SORCS2: variants seen among roughly 807,000 people sequenced by gnomAD.
SORCS2 encodes VPS10 domain-containing receptor SorCS2.
Under a neutral mutation model 141.6 loss-of-function variants are expected in SORCS2, and 100 were observed. The observed-to-expected ratio is 0.71, with a 90% confidence interval of 0.60 to 0.83. The LOEUF (loss-of-function observed/expected upper bound fraction) is 0.83, where lower values mean the gene tolerates loss of function less well. Among genes scored for constraint, SORCS2 ranks in the 40% least tolerant of loss-of-function variants. SORCS2 has a pLI of 0.00. For missense variants in SORCS2, 1,646 were observed against 1,560.2 expected (o/e 1.05, Z -0.93); for synonymous variants, 789 against 676.9 (o/e 1.17, Z -2.57).
chr4:7,358,649 C>A (rs183175262), intron 1 of SORCS2, among the ~76,000 whole-genome samples: 2 of 152,136 alleles, frequency 1.3e-5, no homozygotes, highest in African/African-American at 2.4e-5. Context: ...GTCACAGATG[C>A]GGATCTCAAT....
chr4:7,268,687 T>G (rs1408367105), intron 1 of SORCS2, among the ~76,000 whole-genome samples: 2 of 151,284 alleles, frequency 1.3e-5, no homozygotes, highest in Non-Finnish European at 2.9e-5. Context: ...GTGCCCAGGG[T>G]GGAGGGAGCA....
intron 3 of SORCS2, among the ~76,000 whole-genome samples, chr4:7,633,284 A>C (rs968358487): frequency 6.6e-6 from 1 of 152,102 alleles, no homozygotes; most frequent in Non-Finnish European, 1.5e-5. Flanking sequence ...GGCTGATGCC[A>C]GGAGCCTGAG....
Position 7,703,361 on chromosome 4 carries a change from A to C in SORCS2, c.1750A>C (p.Lys584Gln), listed in dbSNP as rs1234761712. 6.2e-7 allele frequency: 1 copy of C among 1,612,750 alleles called. No individual in the cohort carries two copies. Among genetic ancestry groups the C allele is most frequent in the Non-Finnish European group, 8.5e-7 (1 of 1,179,462 alleles). Residue 584 changes from lysine to glutamine, a missense_variant, in exon 13 of 27, where the codon AAG becomes CAG. Lys to Gln is a moderately conservative substitution (Grantham distance 53). Transcript: ENST00000507866. ...CATCAAAGACACCTCCATCCCTTTG[A>C]AGATCCTCAAGTAATGGCGTCTGCT... ...VAIKDTSIPL[K>Q]ILKFSVDEGL... is the part of the protein sequence containing the mutation.
At chr4:7,504,089 G>T (rs1732135064) in intron 2 of SORCS2, among the ~76,000 whole-genome samples, 1 of 152,206 alleles carries the variant, frequency 6.6e-6, no homozygotes. Flanking sequence ...GTCACTCACT[G>T]CAGCCTGGGT....
chr4:7,382,131 G>C (rs780460143), intron 1 of SORCS2: 72 of 320,886 alleles, frequency 2.2e-4, no homozygotes, highest in Non-Finnish European at 2.4e-4. Flanking sequence ...GTGGAGCGGG[G>C]AGGCATTTTG....
chr4:7,597,265 A>G (rs1717333710), intron 3 of SORCS2, among the ~76,000 whole-genome samples: 2 of 146,722 alleles, frequency 1.4e-5, no homozygotes, highest in African/African-American at 5.1e-5. Flanking sequence ...AGGGGGAGGG[A>G]CTACGCAATA....
chr4:7,460,720 G>C (rs1227120586), intron 2 of SORCS2, among the ~76,000 whole-genome samples: 1 of 152,216 alleles, frequency 6.6e-6, no homozygotes, highest in East Asian at 1.9e-4. Context: ...TGGATATTCA[G>C]CTCTTGGGAG....
intron 14 of SORCS2, among the ~76,000 whole-genome samples, chr4:7,704,942 C>T (rs1251947883): frequency 6.6e-6 from 1 of 152,144 alleles, no homozygotes; most frequent in Non-Finnish European, 1.5e-5. Flanking sequence ...CGACCCCGCG[C>T]TGTGGCACGG....
At chr4:7,737,204 G>A (rs1457369149) in intron 26 of SORCS2, 32 bp downstream of exon 26, 40 of 1,549,572 alleles carry the variant, frequency 2.6e-5, no homozygotes, top group East Asian at 1.2e-4. Context: ...ATCTCGACTC[G>A]CAGACTCTAG....
intron 3 of SORCS2, among the ~76,000 whole-genome samples, chr4:7,619,538 C>A (rs545844850): frequency 2.0e-5 from 3 of 152,346 alleles, no homozygotes. Context: ...GCAGGGTCTT[C>A]TGCCCTGGAA....
At chr4:7,236,010 T>C (rs1466186867) in intron 1 of SORCS2, among the ~76,000 whole-genome samples, 2 of 152,182 alleles carry the variant, frequency 1.3e-5, no homozygotes, top group Non-Finnish European at 2.9e-5. Context: ...ACAAAAAAGT[T>C]GAAAATCCCT....
chr4:7,403,961 G>GTATGTATATATA (rs1724757831), intron 2 of SORCS2, among the ~76,000 whole-genome samples: 1 of 29,892 alleles, frequency 3.3e-5, no homozygotes, highest in African/African-American at 1.1e-4. Flanking sequence ...CTCCATGTGT[G>GTATGTATATATA]TATATATATA....
chr4:7,327,576 C>T (rs1397068510), intron 1 of SORCS2, among the ~76,000 whole-genome samples: 3 of 152,238 alleles, frequency 2.0e-5, no homozygotes, highest in Admixed American at 6.5e-5. Context: ...CTCCCGGCTG[C>T]GTGGCTGCTT....
At position 7,265,653 on chromosome 4, in the gene SORCS2, C is replaced by T. The variant is rs562253377; in HGVS notation, c.480+72527C>T. On this transcript the variant is annotated intron_variant, in intron 1 of 26. Transcript: ENST00000507866. Reference sequence around the variant, plus strand: ...GACACACGGCCTCCTCCCCTGTCTTCTTGTCTGTGTCTCCTATGAAGACAT... The same window carrying T: ...GACACACGGCCTCCTCCCCTGTCTTTTTGTCTGTGTCTCCTATGAAGACAT... Among the ~76,000 whole-genome samples, 4 of 152,334 alleles carry T rather than the reference C, an allele frequency of 2.6e-5. No individual in the cohort carries two copies. In the South Asian group the frequency reaches 6.2e-4, roughly 24 times the overall value.
At chr4:7,492,536 C>G (rs1731379115) in intron 2 of SORCS2, among the ~76,000 whole-genome samples, 2 of 152,216 alleles carry the variant, frequency 1.3e-5, no homozygotes, top group Non-Finnish European at 2.9e-5. Flanking sequence ...CTTCCACATT[C>G]TGATTTTATT....
intron 2 of SORCS2, among the ~76,000 whole-genome samples, chr4:7,506,368 ACT>A (rs895272777): frequency 9.2e-5 from 14 of 151,994 alleles, no homozygotes; most frequent in African/African-American, 2.7e-4. Context: ...GGAAAAAATA[ACT>A]CTCTGTTTGC....
intron 14 of SORCS2, among the ~76,000 whole-genome samples, chr4:7,712,032 T>G (rs1265061180): frequency 2.0e-5 from 3 of 152,084 alleles, no homozygotes; most frequent in African/African-American, 7.2e-5. Context: ...TGCTTGGGGT[T>G]CAGGATGTTC....
chr4:7,724,319 G>GTGGTGATGC (rs1477776477), intron 19 of SORCS2, among the ~76,000 whole-genome samples: 1 of 142,204 alleles, frequency 7.0e-6, no homozygotes, highest in African/African-American at 2.7e-5. Flanking sequence ...GGTGGTGGTG[G>GTGGTGATGC]TGGTGATAGG....
At chr4:7,370,074 C>A (rs76984738) in intron 1 of SORCS2, among the ~76,000 whole-genome samples, 1 of 152,090 alleles carries the variant, frequency 6.6e-6, no homozygotes, top group South Asian at 2.1e-4. Context: ...TCAGTGCCCC[C>A]CCAGCTTAGC....
Sources: gnomAD v4.1 joint callset for allele counts (sites outside exome capture counted in the v4.1 genomes callset) on GRCh38, gnomAD v4.1.1 for gene constraint, MANE v1.5 for transcripts, NCBI Gene and HGNC (gene_info 2026-07-23, HGNC 2026-07-21) for gene names.